The following SCAF8 variants were observed in gnomAD, a reference collection of about 807,000 sequenced individuals.
SCAF8 encodes SR-related and CTD-associated factor 8.
In SCAF8, 23 loss-of-function variants were observed where a neutral mutation model predicts 140.5. The observed-to-expected ratio is 0.16, with a 90% confidence interval of 0.12 to 0.23. The LOEUF (loss-of-function observed/expected upper bound fraction) is 0.23, where lower values mean the gene tolerates loss of function less well. Ranked by LOEUF, SCAF8 falls within the 10% of genes least tolerant of loss-of-function variation. The pLI, the probability that SCAF8 is intolerant of heterozygous loss-of-function variation, is 1.00. For synonymous variants in SCAF8, 575 were observed against 528.9 expected, an observed-to-expected ratio of 1.09 and a Z score of -1.20; for missense variants, 1,397 against 1,555.7, an observed-to-expected ratio of 0.90 and a Z score of 1.72.
At chr6:154,757,909 CTT>C (rs750337401) in intron 1 of SCAF8, among the ~76,000 whole-genome samples, 14 of 132,612 alleles carry the variant, frequency 1.1e-4, no homozygotes, top group African/African-American at 1.6e-4. Flanking sequence ...GTAAGTTTCA[CTT>C]TTTTTTTTTT....
intron 1 of SCAF8, chr6:154,741,855 C>G (rs1778579372): frequency 1.4e-6 from 1 of 712,156 alleles, no homozygotes. Flanking sequence ...AGAATGTAAT[C>G]AACCTTGACC....
At chr6:154,815,692 C>T (rs1562461028) in intron 12 of SCAF8, 24 bp from the exon 13 acceptor site, 3 of 1,374,136 alleles carry the variant, frequency 2.2e-6, no homozygotes, top group Non-Finnish European at 1.0e-6. Flanking sequence ...TGATTTAGGT[C>T]ATTTGTCTCT....
Position 154,805,355 on chromosome 6 carries a change from GTT to G in SCAF8, c.864-10_864-9del. 1 of 1,490,612 alleles carries G rather than the reference GTT, an allele frequency of 6.7e-7. No homozygotes were observed. Among genetic ancestry groups the G allele is most frequent in the Non-Finnish European group, 9.3e-7 (1 of 1,071,572 alleles). The allele number at this position is 1,490,612 out of a possible 1,614,324, so 92.3% of individuals were successfully genotyped here. On this transcript the variant is annotated splice_polypyrimidine_tract_variant and intron_variant, in intron 8 of 19. Transcript: ENST00000367178. ...TGGGTTTTAAAATATGTTTCCACCTGTTTTTCCTTTTAGTTCTCACGTTTCAG... is the reference window on the plus strand; with the variant it reads ...TGGGTTTTAAAATATGTTTCCACCTGTTTCCTTTTAGTTCTCACGTTTCAG...
intron 1 of SCAF8, among the ~76,000 whole-genome samples, chr6:154,744,485 C>T (rs146613558): frequency 1.6e-3 from 238 of 152,252 alleles, no homozygotes; most frequent in African/African-American, 5.5e-3. Flanking sequence ...ACCATGTTTC[C>T]GTGGATCTTT....
intron 7 of SCAF8, among the ~76,000 whole-genome samples, chr6:154,803,138 C>A (rs1190520447): frequency 6.6e-6 from 1 of 152,088 alleles, no homozygotes; most frequent in Non-Finnish European, 1.5e-5. Flanking sequence ...AGCTAGACCA[C>A]ATAAAAAGCC....
intron 6 of SCAF8, among the ~76,000 whole-genome samples, chr6:154,801,539 A>G (rs986272883): frequency 2.0e-5 from 3 of 151,360 alleles, no homozygotes; most frequent in East Asian, 3.9e-4. Flanking sequence ...GCCAGACTCT[A>G]CTCTGAGAAA....
At chr6:154,796,109 T>A (rs1323356540) in intron 6 of SCAF8, among the ~76,000 whole-genome samples, 3 of 152,142 alleles carry the variant, frequency 2.0e-5, no homozygotes, top group Non-Finnish European at 4.4e-5. Context: ...ATGGAAGAGA[T>A]CATAATAGAA....
chr6:154,759,311 GT>G (rs1174570089), intron 1 of SCAF8, among the ~76,000 whole-genome samples: 3 of 152,172 alleles, frequency 2.0e-5, no homozygotes, highest in African/African-American at 7.2e-5. Context: ...AAATTTGTGT[GT>G]TGAATTAAAG....
intron 1 of SCAF8, among the ~76,000 whole-genome samples, chr6:154,769,908 G>A (rs895394856): frequency 6.6e-6 from 1 of 152,136 alleles, no homozygotes. Flanking sequence ...AGTACGAGAG[G>A]ACAGGAATGG....
chr6:154,750,888 C>T (rs1393760003), intron 1 of SCAF8, among the ~76,000 whole-genome samples: 1 of 151,674 alleles, frequency 6.6e-6, no homozygotes, highest in Non-Finnish European at 1.5e-5. Context: ...TTTTCTTGTT[C>T]TCATTTTGGC....
chr6:154,807,223 A>G (rs535413646), intron 9 of SCAF8, among the ~76,000 whole-genome samples: 1 of 152,314 alleles, frequency 6.6e-6, no homozygotes, highest in East Asian at 1.9e-4. Flanking sequence ...TGTTGTAAGA[A>G]TCTCACCTAC....
chr6:154,797,103 A>G (rs1777630227), intron 6 of SCAF8, among the ~76,000 whole-genome samples: 1 of 151,972 alleles, frequency 6.6e-6, no homozygotes, highest in Admixed American at 6.6e-5. Flanking sequence ...TTTCCTGAAT[A>G]AATTTTATAA....
At chr6:154,734,878 A>C (rs1266800896) in intron 1 of SCAF8, among the ~76,000 whole-genome samples, 4 of 152,182 alleles carry the variant, frequency 2.6e-5, no homozygotes, top group Non-Finnish European at 5.9e-5. Context: ...TAATCCCAGC[A>C]CTTTGGGAGG....
chr6:154,805,400 A>C lies in SCAF8; in HGVS notation c.895A>C (p.Ile299Leu), dbSNP rs2114904685. 6.2e-7 allele frequency: 1 copy of C among 1,611,398 alleles called. No homozygotes were observed. Among genetic ancestry groups the C allele is most frequent in the Non-Finnish European group, 8.5e-7 (1 of 1,178,210 alleles). The part of the protein sequence containing the change: ...SHVSESVNNS[I>L]FHQIAEQLQQ... Reference sequence around the variant, plus strand: ...CGTTTCAGAATCTGTGAACAATTCCATTTTTCATCAGATAGCAGAACAACT... The same window carrying C: ...CGTTTCAGAATCTGTGAACAATTCCCTTTTTCATCAGATAGCAGAACAACT... The change falls in exon 9 of 20, where the codon ATT becomes CTT. Residue 299 changes from isoleucine (I) to leucine (L), a missense_variant. Ile to Leu is a conservative substitution (Grantham distance 5). Around this residue, in one of 5 missense-constraint regions of SCAF8, gnomAD observed 339 missense variants for 407.5 expected, o/e 0.83. Transcript: ENST00000367178.
At chr6:154,803,388 C>G (rs1455203910) in intron 7 of SCAF8, among the ~76,000 whole-genome samples, 156 bp from the exon 8 acceptor site, 2 of 152,106 alleles carry the variant, frequency 1.3e-5, no homozygotes, top group Non-Finnish European at 2.9e-5. Context: ...AAGATCTACT[C>G]AAAACACTTT....
rs747702563 is a variant in SCAF8, at chr6:154,833,025, T to C, written c.3446T>C (p.Phe1149Ser). 1 of 1,613,912 alleles carries C rather than the reference T, an allele frequency of 6.2e-7. No individual in the cohort carries two copies. Among genetic ancestry groups the C allele is most frequent in the African/African-American group, 1.3e-5 (1 of 74,884 alleles). ...TTTGGACAAGAAGTTCACAGAGATT[T>C]TGATGACCGCAGAAGACCCTGGGAG... is the stretch of plus-strand genomic sequence containing the variant. ...RGFGQEVHRD[F>S]DDRRRPWERQ... Residue 1149 changes from phenylalanine to serine, a missense_variant, in exon 20 of 20, where the codon TTT becomes TCT. Around this residue, in one of 5 missense-constraint regions of SCAF8, gnomAD observed 930 missense variants for 874.6 expected, o/e 1.06. Transcript: ENST00000367178.
At chr6:154,803,740 C>G in intron 8 of SCAF8, 117 bp downstream of exon 8, 1 of 657,728 alleles carries the variant, frequency 1.5e-6, no homozygotes, top group Non-Finnish European at 2.7e-6. Context: ...GAACCTCTAA[C>G]ATTATACAAA....
chr6:154,770,388 A>ACACACACACACTCT (rs1384942827), intron 1 of SCAF8, among the ~76,000 whole-genome samples: 1 of 141,918 alleles, frequency 7.0e-6, no homozygotes, highest in Non-Finnish European at 1.5e-5. Context: ...ACACACACAC[A>ACACACACACACTCT]CTCTCTCTCT....
intron 3 of SCAF8, among the ~76,000 whole-genome samples, chr6:154,784,146 TA>T (rs1230043432): frequency 0.014 from 1,894 of 139,372 alleles, 75 homozygotes; most frequent in African/African-American, 0.041. Context: ...TATATATATA[TA>T]TATATATATA....
Sources: gnomAD v4.1 joint callset for allele counts (sites outside exome capture counted in the v4.1 genomes callset) on GRCh38, gnomAD v4.1.1 for gene constraint, gnomAD v4.1.1 regional missense constraint, MANE v1.5 for transcripts, NCBI Gene and HGNC (gene_info 2026-07-23, HGNC 2026-07-21) for gene names.